Variants in PLCB1 observed in about 807,000 individuals in gnomAD.
PLCB1 encodes the protein 1-phosphatidylinositol 4,5-bisphosphate phosphodiesterase beta-1.
PLCB1 carries 46 observed loss-of-function variants against 161.8 expected under a neutral mutation model. The observed-to-expected ratio is 0.28, with a 90% CI of 0.22 to 0.36. The LOEUF is 0.36. Among genes scored for constraint, PLCB1 ranks in the 10% least tolerant of loss-of-function variants. The pLI, the probability that PLCB1 is intolerant of heterozygous loss-of-function variation, is 1.00. For synonymous variants in PLCB1, 517 were observed against 503.7 expected, an observed-to-expected ratio of 1.03 and a Z score of -0.35; for missense variants, 1,016 against 1,472.5, an observed-to-expected ratio of 0.69 and a Z score of 5.07.
chr20:8,135,563 C>T (rs1199933302), intron 1 of PLCB1, among the ~76,000 whole-genome samples: 1 of 152,096 alleles, frequency 6.6e-6, no homozygotes, highest in Non-Finnish European at 1.5e-5. Flanking sequence ...TGTACCAGGG[C>T]CAGGCGTTAA....
At chr20:8,603,376 T>G (rs1987656612) in intron 3 of PLCB1, among the ~76,000 whole-genome samples, 1 of 152,210 alleles carries the variant, frequency 6.6e-6, no homozygotes. Flanking sequence ...ACATTTGCAC[T>G]TTGCCTAAAG....
intron 15 of PLCB1, among the ~76,000 whole-genome samples, chr20:8,723,395 T>TA (rs776187937): frequency 1.1e-4 from 17 of 152,300 alleles, no homozygotes; most frequent in East Asian, 7.7e-4. Context: ...GACCCAAATA[T>TA]TACTACCAGA....
At chr20:8,839,651 A>T (rs988900768) in intron 31 of PLCB1, among the ~76,000 whole-genome samples, 3 of 152,080 alleles carry the variant, frequency 2.0e-5, no homozygotes, top group African/African-American at 7.2e-5. Context: ...ACAGGTAATA[A>T]AGCCAGGAAT....
In PLCB1 at chr20:8,371,510, A is replaced by G. The variant is rs1986903229; in HGVS notation, c.246+60A>G. Reference sequence around the variant, plus strand: ...TGCCTTGATTGTTTGGCTGTGTCACAATATCAATTAATTGCCCCAATTAAA... The same window carrying G: ...TGCCTTGATTGTTTGGCTGTGTCACGATATCAATTAATTGCCCCAATTAAA... On this transcript the variant is annotated intron_variant, in intron 3 of 31. Coordinates refer to ENST00000338037, the MANE Select transcript of PLCB1 (RefSeq NM_015192.4). The G allele has an allele frequency of 4.5e-6, 5 of 1,122,130 alleles. No homozygotes were observed. The East Asian group carries it at 9.4e-5, about 21-fold the overall frequency. The allele number at this position is 1,122,130 out of a possible 1,614,324, so 69.5% of individuals were successfully genotyped here.
chr20:8,670,862 A>T (rs887152857), intron 9 of PLCB1, among the ~76,000 whole-genome samples: 1 of 152,214 alleles, frequency 6.6e-6, no homozygotes, highest in African/African-American at 2.4e-5. Flanking sequence ...CTCTGAGCTG[A>T]TCTAGCAGAA....
chr20:8,442,320 G>A (rs1980595193), intron 3 of PLCB1, among the ~76,000 whole-genome samples: 1 of 152,178 alleles, frequency 6.6e-6, no homozygotes, highest in Non-Finnish European at 1.5e-5. Flanking sequence ...TGTCTGTGAG[G>A]GTGGCTCTCT....
intron 3 of PLCB1, among the ~76,000 whole-genome samples, chr20:8,492,994 C>A (rs1436112981): frequency 6.6e-6 from 1 of 151,950 alleles, no homozygotes; most frequent in Non-Finnish European, 1.5e-5. Flanking sequence ...AAATAAAATT[C>A]CCTTATATCA....
At position 8,350,080 on chromosome 20, in the gene PLCB1, C is replaced by A. The variant is rs6086415; in HGVS notation, c.178-21302C>A. Among the ~76,000 whole-genome samples, 974 of 152,168 alleles carry A rather than the reference C, an allele frequency of 6.4e-3. 12 individuals carry two copies. Among genetic ancestry groups the A allele is most frequent in the Middle Eastern group, 0.041 (12 of 294 alleles). On this transcript the variant is annotated intron_variant, in intron 2 of 31. Coordinates refer to ENST00000338037, the MANE Select transcript of PLCB1 (RefSeq NM_015192.4). ...AATGAACAATTGGAACTTGAAATTTCTTTTCTTCAACTTTTATTTTATCTG... is the reference window on the plus strand; with the variant it reads ...AATGAACAATTGGAACTTGAAATTTATTTTCTTCAACTTTTATTTTATCTG...
intron 3 of PLCB1, among the ~76,000 whole-genome samples, chr20:8,498,224 A>C (rs1450874891): frequency 6.6e-6 from 1 of 152,038 alleles, no homozygotes; most frequent in Non-Finnish European, 1.5e-5. Context: ...TAGCCTCCCA[A>C]GTAACTGGAA....
intron 2 of PLCB1, chr20:8,305,846 G>A (rs1984111571): frequency 6.6e-6 from 1 of 152,172 alleles, no homozygotes. Flanking sequence ...ACTCATTTCT[G>A]TGCCGCTGCA....
chr20:8,505,677 A>G (rs534005876), intron 3 of PLCB1, among the ~76,000 whole-genome samples: 2 of 152,212 alleles, frequency 1.3e-5, no homozygotes, highest in Non-Finnish European at 2.9e-5. Flanking sequence ...AAACTGCTCA[A>G]TGGTATTAAC....
intron 1 of PLCB1, among the ~76,000 whole-genome samples, chr20:8,135,293 G>A (rs2051334223): frequency 6.6e-6 from 1 of 152,108 alleles, no homozygotes; most frequent in Admixed American, 6.5e-5. Context: ...GATGAATTTG[G>A]GGCTGTTTAG....
intron 2 of PLCB1, among the ~76,000 whole-genome samples, chr20:8,176,059 A>AT (rs1246334728): frequency 6.6e-6 from 1 of 152,220 alleles, no homozygotes; most frequent in Non-Finnish European, 1.5e-5. Flanking sequence ...GAACAGATCA[A>AT]TGGTAGGTTA....
At chr20:8,308,351 T>C (rs549689166) in intron 2 of PLCB1, among the ~76,000 whole-genome samples, 1 of 151,944 alleles carries the variant, frequency 6.6e-6, no homozygotes, top group Admixed American at 6.6e-5. Context: ...GCGCAGTGGC[T>C]CATGCCTGTA....
chr20:8,431,120 A>G (rs2122578186), intron 3 of PLCB1, among the ~76,000 whole-genome samples: 1 of 152,266 alleles, frequency 6.6e-6, no homozygotes, highest in East Asian at 1.9e-4. Flanking sequence ...TAACAAACTT[A>G]CATTGTCATC....
rs189063598 is a variant in PLCB1 at position 8,468,289 on chromosome 20, G to A, written c.246+96839G>A. 3.4e-3 allele frequency among the ~76,000 whole-genome samples: 513 copies of A among 152,178 alleles called. 1 individual carries two copies. The highest frequency in any genetic ancestry group is 5.5e-3 in the Non-Finnish European group (374 of 67,986). Reference sequence around the variant, plus strand: ...ATTCATAAAGTTGTACATTTAATACGTGTGCATTTTACTATATGTATGTTA... The same window carrying A: ...ATTCATAAAGTTGTACATTTAATACATGTGCATTTTACTATATGTATGTTA... On this transcript the variant is annotated intron_variant, in intron 3 of 31. Transcript: ENST00000338037.
chr20:8,564,030 G>A (rs555600660), intron 3 of PLCB1, among the ~76,000 whole-genome samples: 35 of 151,948 alleles, frequency 2.3e-4, no homozygotes, highest in Admixed American at 3.9e-4. Flanking sequence ...AAGAGCCCAC[G>A]TAGCCAAGAC....
chr20:8,736,608 G>T (rs1264557031), intron 19 of PLCB1, among the ~76,000 whole-genome samples: 2 of 152,278 alleles, frequency 1.3e-5, no homozygotes, highest in East Asian at 3.9e-4. Context: ...TGGCTGAGGA[G>T]GCCTCATGAA....
intron 9 of PLCB1, among the ~76,000 whole-genome samples, chr20:8,674,420 C>T (rs1435538801): frequency 6.6e-6 from 1 of 152,124 alleles, no homozygotes; most frequent in Non-Finnish European, 1.5e-5. Flanking sequence ...AAGAGCCTTC[C>T]CTAGTGCCTG....
Sources: gnomAD v4.1 joint callset for allele counts (sites outside exome capture counted in the v4.1 genomes callset) on GRCh38, gnomAD v4.1.1 for gene constraint, MANE v1.5 for transcripts, NCBI Gene and HGNC (gene_info 2026-07-23, HGNC 2026-07-21) for gene names.